DAPK1: variants seen among roughly 807,000 people sequenced by gnomAD.
The protein encoded by DAPK1 is death-associated protein kinase 1.
A neutral mutation model predicts 144.9 loss-of-function variants in DAPK1; 56 were observed. That is an observed-to-expected ratio of 0.39 (90% CI 0.31 to 0.48). The LOEUF (loss-of-function observed/expected upper bound fraction) is 0.48, where lower values mean the gene tolerates loss of function less well. DAPK1 is among the 20% of genes least tolerant of loss of function. The pLI, the probability that DAPK1 is intolerant of heterozygous loss-of-function variation, is 0.95. For missense variants in DAPK1, 1,454 were observed against 1,875.4 expected (o/e 0.78, Z 4.15); for synonymous variants, 690 against 749.0 (o/e 0.92, Z 1.29).
At chr9:87,698,443 C>T (rs1825334634) in intron 22 of DAPK1, 2 of 486,146 alleles carry the variant, frequency 4.1e-6, no homozygotes. Flanking sequence ...TTCCTTGTGG[C>T]CTAGGAGATA....
intron 10 of DAPK1, among the ~76,000 whole-genome samples, chr9:87,642,521 C>T (rs1830132738): frequency 6.6e-6 from 1 of 152,088 alleles, no homozygotes; most frequent in South Asian, 2.1e-4. Context: ...TGTTCTCCTT[C>T]CTCAGTGTGG....
chr9:87,497,710 GC>G (rs1375485010), upstream of DAPK1: 1 of 237,076 alleles, frequency 4.2e-6, no homozygotes, highest in Non-Finnish European at 8.1e-6. Flanking sequence ...GGAGCGCGGA[GC>G]TGGGAGGAGC....
At chr9:87,668,539 G>T in intron 18 of DAPK1, 58 bp from the exon 19 acceptor site, 1 of 903,034 alleles carries the variant, frequency 1.1e-6, no homozygotes, top group Non-Finnish European at 1.9e-6. Context: ...ATTGGCGTAT[G>T]GAACACACAC....
intron 2 of DAPK1, among the ~76,000 whole-genome samples, chr9:87,536,330 T>G (rs994806263): frequency 2.6e-5 from 4 of 152,196 alleles, no homozygotes; most frequent in Middle Eastern, 3.2e-3. Context: ...GGTGCCTATC[T>G]GCAAGTGAAG....
At position 87,570,156 on chromosome 9, in the gene DAPK1, A is replaced by G. The variant is rs36203438; in HGVS notation, c.63-34798A>G. Among the ~76,000 whole-genome samples, 18 of 152,274 alleles carry G rather than the reference A, an allele frequency of 1.2e-4. 1 individual carries two copies. In the East Asian group the frequency reaches 3.5e-3, roughly 29 times the overall value. ...AAATTTATGTTAGTTGCAGTCCAGG[A>G]AAAAGAAGGCACAAACACTGCTGAT... On this transcript the variant is annotated intron_variant, in intron 2 of 25. Coordinates refer to ENST00000408954, the MANE Select transcript of DAPK1 (RefSeq NM_004938.4).
chr9:87,540,104 A>ATT (rs1485878093), intron 2 of DAPK1, among the ~76,000 whole-genome samples: 1 of 151,566 alleles, frequency 6.6e-6, no homozygotes, highest in African/African-American at 2.4e-5. Flanking sequence ...AGAGAGAGAG[A>ATT]GAGACCACAT....
At chr9:87,700,740 C>G (rs1055458407) in intron 24 of DAPK1, among the ~76,000 whole-genome samples, 7 of 152,002 alleles carry the variant, frequency 4.6e-5, no homozygotes, top group African/African-American at 1.7e-4. Context: ...GGCTCAGGTG[C>G]TCCTCCCACC....
At chr9:87,510,196 C>T (rs143418452) in intron 2 of DAPK1, among the ~76,000 whole-genome samples, 16 of 152,198 alleles carry the variant, frequency 1.1e-4, no homozygotes, top group African/African-American at 3.1e-4. Context: ...ACGCTTGACA[C>T]GTATGGAGCA....
At chr9:87,589,968 A>G (rs1243286240) in intron 2 of DAPK1, among the ~76,000 whole-genome samples, 3 of 152,320 alleles carry the variant, frequency 2.0e-5, no homozygotes, top group East Asian at 3.9e-4. Context: ...TTTAAAATCT[A>G]TATCCGTTTC....
chr9:87,684,210 G>A (rs927771620), intron 20 of DAPK1, among the ~76,000 whole-genome samples: 6 of 152,224 alleles, frequency 3.9e-5, no homozygotes, highest in African/African-American at 1.4e-4. Context: ...GGGGGCCAAC[G>A]GAGCAGCGTG....
rs36209743 is a variant in DAPK1 at position 87,628,523 on chromosome 9, G to A, written c.285-9420G>A. 3.5e-3 allele frequency among the ~76,000 whole-genome samples: 538 copies of A among 152,264 alleles called. 6 individuals are homozygous for A. The highest frequency in any genetic ancestry group is 0.012 in the African/African-American group (517 of 41,522). ...AGTTTTCATTCAGCAAAGTCCTCCA[G>A]TGACCCAAGGAACTGAAATTAGAAT... On this transcript the variant is annotated intron_variant, in intron 3 of 25. Coordinates refer to ENST00000408954, the MANE Select transcript of DAPK1 (RefSeq NM_004938.4).
At chr9:87,600,042 C>T (rs562904724) in intron 2 of DAPK1, among the ~76,000 whole-genome samples, 2 of 152,280 alleles carry the variant, frequency 1.3e-5, no homozygotes, top group South Asian at 4.1e-4. Context: ...CACTAGACAG[C>T]CCCACAGTAC....
At chr9:87,622,812 G>T (rs1205019885) in intron 3 of DAPK1, among the ~76,000 whole-genome samples, 4 of 152,066 alleles carry the variant, frequency 2.6e-5, no homozygotes, top group African/African-American at 9.7e-5. Context: ...TCGGGAGGTT[G>T]AGGCAAGAGA....
intron 19 of DAPK1, among the ~76,000 whole-genome samples, chr9:87,671,354 A>T (rs1277540141): frequency 6.6e-6 from 1 of 151,988 alleles, no homozygotes; most frequent in Non-Finnish European, 1.5e-5. Flanking sequence ...TACAGCTATA[A>T]AATACAAAAT....
At chr9:87,608,706 G>C (rs1240686108) in intron 3 of DAPK1, among the ~76,000 whole-genome samples, 1 of 152,212 alleles carries the variant, frequency 6.6e-6, no homozygotes, top group Non-Finnish European at 1.5e-5. Context: ...TTAACTGCAT[G>C]ATGACCCTAA....
chr9:87,512,158 A>G (rs1449146975), intron 2 of DAPK1, among the ~76,000 whole-genome samples: 2 of 152,252 alleles, frequency 1.3e-5, no homozygotes, highest in East Asian at 1.9e-4. Context: ...CCTGGGCTCA[A>G]GTGATCCTCT....
At chr9:87,682,880 C>T (rs2117856087) in intron 20 of DAPK1, among the ~76,000 whole-genome samples, 1 of 152,226 alleles carries the variant, frequency 6.6e-6, no homozygotes, top group African/African-American at 2.4e-5. Context: ...TGAGCCAGTG[C>T]TTGTCAATAA....
intron 2 of DAPK1, among the ~76,000 whole-genome samples, chr9:87,593,485 A>G (rs1328357359): frequency 6.6e-6 from 1 of 152,194 alleles, no homozygotes; most frequent in Non-Finnish European, 1.5e-5. Context: ...CAGGGTGAAT[A>G]TTGGAGGAGA....
At chr9:87,605,213 G>C in intron 3 of DAPK1, 38 bp downstream of exon 3, 1 of 1,555,422 alleles carries the variant, frequency 6.4e-7, no homozygotes, top group Non-Finnish European at 8.9e-7. Context: ...AGAGGGTGTG[G>C]TGGGCGTCAG....
Sources: gnomAD v4.1 joint callset for allele counts (sites outside exome capture counted in the v4.1 genomes callset) on GRCh38, gnomAD v4.1.1 for gene constraint, MANE v1.5 for transcripts, NCBI Gene and HGNC (gene_info 2026-07-23, HGNC 2026-07-21) for gene names.